The following TENM4 variants were observed in gnomAD, a reference collection of about 807,000 sequenced individuals.
TENM4 encodes the protein teneurin-4.
TENM4 carries 82 observed loss-of-function variants against 243.3 expected under a neutral mutation model. That is an observed-to-expected ratio of 0.34 (90% CI 0.28 to 0.40). TENM4 has a LOEUF of 0.40. TENM4 is among the 10% of genes least tolerant of loss of function. The pLI is 1.00. For synonymous variants in TENM4, 1,412 were observed against 1,456.3 expected (o/e 0.97, Z 0.69); for missense variants, 3,138 against 3,673.3 (o/e 0.85, Z 3.77).
At chr11:78,737,489 T>G (rs1855828472) in intron 20 of TENM4, among the ~76,000 whole-genome samples, 1 of 152,206 alleles carries the variant, frequency 6.6e-6, no homozygotes, top group South Asian at 2.1e-4. Context: ...TGTTCACATC[T>G]GATATTGGAT....
At chr11:78,978,902 T>C (rs868761175) in intron 6 of TENM4, among the ~76,000 whole-genome samples, 2 of 152,094 alleles carry the variant, frequency 1.3e-5, no homozygotes, top group African/African-American at 4.8e-5. Flanking sequence ...GAAGTTTGTG[T>C]ACAAAGCTTC....
intron 19 of TENM4, among the ~76,000 whole-genome samples, chr11:78,751,118 C>G (rs901959181): frequency 1.3e-5 from 2 of 152,082 alleles, no homozygotes; most frequent in Non-Finnish European, 2.9e-5. Context: ...TGAACTCAAG[C>G]GATCCATCTG....
intron 1 of TENM4, among the ~76,000 whole-genome samples, chr11:79,337,770 G>T (rs1223371109): frequency 6.6e-6 from 1 of 152,214 alleles, no homozygotes; most frequent in Non-Finnish European, 1.5e-5. Flanking sequence ...AGATCTCTGA[G>T]ACCTTATCAC....
Position 79,211,565 on chromosome 11 carries a change from G to A in TENM4, c.-163+4243C>T, listed in dbSNP as rs572650089. 1.9e-3 allele frequency among the ~76,000 whole-genome samples: 290 copies of A among 152,270 alleles called. 2 individuals are homozygous for A. The highest frequency in any genetic ancestry group is 3.4e-3 in the Middle Eastern group (1 of 294). On this transcript the variant is annotated intron_variant, in intron 3 of 33. Coordinates refer to ENST00000278550, the MANE Select transcript of TENM4 (RefSeq NM_001098816.3). ...GTTTTCGAGGTTGAATGCAGAAGCA[G>A]ATACCTCTATATAGCCAAACGTTGA... is the stretch of plus-strand genomic sequence containing the variant.
chr11:79,248,654 C>G (rs1165827680), intron 2 of TENM4, among the ~76,000 whole-genome samples: 1 of 152,244 alleles, frequency 6.6e-6, no homozygotes, highest in African/African-American at 2.4e-5. Flanking sequence ...ACACACCTTT[C>G]TGCCTTCTCC....
chr11:78,773,550 A>C (rs1269251018), intron 17 of TENM4, among the ~76,000 whole-genome samples: 1 of 152,212 alleles, frequency 6.6e-6, no homozygotes. Context: ...AAACTGAGGC[A>C]GTTATCTAGA....
chr11:79,319,118 A>T (rs1460429676), intron 1 of TENM4, among the ~76,000 whole-genome samples: 2 of 152,218 alleles, frequency 1.3e-5, no homozygotes, highest in Non-Finnish European at 1.5e-5. Context: ...CATTTTACAG[A>T]TGAAGAAACG....
intron 12 of TENM4, among the ~76,000 whole-genome samples, chr11:78,815,460 C>A (rs75123140): frequency 0.02 from 2,976 of 152,304 alleles, 98 homozygotes; most frequent in African/African-American, 0.067. Flanking sequence ...GTCATGCCCC[C>A]CTTTTGCAGA....
At position 78,655,931 on chromosome 11, in the gene TENM4, G is replaced by T. The variant is rs1398711917; in HGVS notation, c.*2127C>A. ...TCCCACAGCAGGCCTGCAGAGCACT[G>T]TATCTGACTCAGTAGAGCTCTGGAT... On this transcript the variant is annotated 3_prime_UTR_variant, in exon 34 of 34. Coordinates refer to ENST00000278550, the MANE Select transcript of TENM4 (RefSeq NM_001098816.3). 6.6e-6 allele frequency: 1 copy of T among 152,220 alleles called. No homozygotes were observed. Among genetic ancestry groups the T allele is most frequent in the Non-Finnish European group, 1.5e-5 (1 of 68,058 alleles). The allele number at this position is 152,220 out of a possible 1,614,324, so 9.4% of individuals were successfully genotyped here.
At chr11:78,814,581 C>T (rs913947055) in intron 12 of TENM4, among the ~76,000 whole-genome samples, 186 bp from the exon 13 acceptor site, 3 of 152,178 alleles carry the variant, frequency 2.0e-5, no homozygotes, top group African/African-American at 7.2e-5. Flanking sequence ...GTTCAATTGA[C>T]ATTAGCAGAA....
chr11:79,206,489 T>A (rs1314857564), intron 3 of TENM4, among the ~76,000 whole-genome samples: 1 of 152,160 alleles, frequency 6.6e-6, no homozygotes, highest in African/African-American at 2.4e-5. Flanking sequence ...TGGCTTCCCA[T>A]GTACTTCTTA....
intron 29 of TENM4, among the ~76,000 whole-genome samples, chr11:78,686,282 G>A (rs1266738500): frequency 6.6e-6 from 1 of 152,210 alleles, no homozygotes; most frequent in East Asian, 1.9e-4. Flanking sequence ...GTCCATGGAG[G>A]GGTGAAGGTG....
rs547432702 is a variant in TENM4, at chr11:79,112,592, G to A, written c.-66+36118C>T. Among the ~76,000 whole-genome samples the A allele has an allele frequency of 9.2e-5, 14 of 152,208 alleles. No individual in the cohort carries two copies. In the East Asian group the frequency reaches 9.6e-4, roughly 10 times the overall value. On this transcript the variant is annotated intron_variant, in intron 4 of 33. Transcript: ENST00000278550. Reference sequence around the variant, plus strand: ...GCCAGGGTCAGGCTGGCTGTGGTGCGGTAGAGACCCTTCTTTTAAATAGAA... The same window carrying A: ...GCCAGGGTCAGGCTGGCTGTGGTGCAGTAGAGACCCTTCTTTTAAATAGAA...
chr11:78,941,275 G>C (rs1034920597), intron 6 of TENM4, among the ~76,000 whole-genome samples: 1 of 152,230 alleles, frequency 6.6e-6, no homozygotes, highest in African/African-American at 2.4e-5. Flanking sequence ...GATGAAATGA[G>C]ACCAGAGACA....
At chr11:79,403,926 C>T (rs187533483) in intron 1 of TENM4, among the ~76,000 whole-genome samples, 1 of 152,326 alleles carries the variant, frequency 6.6e-6, no homozygotes, top group Non-Finnish European at 1.5e-5. Context: ...TGTGTATTAG[C>T]TTGGCCATGG....
At chr11:78,800,606 C>T (rs1423698242) in intron 15 of TENM4, among the ~76,000 whole-genome samples, 1 of 152,086 alleles carries the variant, frequency 6.6e-6, no homozygotes, top group East Asian at 1.9e-4. Flanking sequence ...CCTGTGTTTC[C>T]AGGGGGCTCT....
At chr11:78,996,343 G>A (rs886575346) in intron 6 of TENM4, among the ~76,000 whole-genome samples, 6 of 152,130 alleles carry the variant, frequency 3.9e-5, no homozygotes, top group African/African-American at 1.4e-4. Flanking sequence ...ACCACATGGA[G>A]AGACAGCGGT....
chr11:78,732,909 G>C (rs76717786), intron 20 of TENM4, among the ~76,000 whole-genome samples: 1 of 152,198 alleles, frequency 6.6e-6, no homozygotes, highest in Non-Finnish European at 1.5e-5. Context: ...TGAAAGCCCA[G>C]TGAAAAGTCA....
intron 1 of TENM4, among the ~76,000 whole-genome samples, chr11:79,417,875 A>T (rs1437686115): frequency 4.6e-5 from 7 of 152,150 alleles, no homozygotes; most frequent in Non-Finnish European, 1.0e-4. Context: ...GAGATTGCCA[A>T]AACCCTCAGA....
Sources: gnomAD v4.1 joint callset for allele counts (sites outside exome capture counted in the v4.1 genomes callset) on GRCh38, gnomAD v4.1.1 for gene constraint, MANE v1.5 for transcripts, NCBI Gene and HGNC (gene_info 2026-07-23, HGNC 2026-07-21) for gene names.